The following KCNIP4 variants were observed in gnomAD, a reference collection of about 807,000 sequenced individuals.
KCNIP4 encodes the protein Kv channel-interacting protein 4.
KCNIP4 carries 12 observed loss-of-function variants against 34.0 expected under a neutral mutation model. That is an observed-to-expected ratio of 0.35 (90% CI 0.23 to 0.57). The LOEUF is 0.57. KCNIP4 is among the 20% of genes least tolerant of loss of function. The pLI is 0.83. For missense variants in KCNIP4, 238 were observed against 311.7 expected (o/e 0.76, Z 1.78); for synonymous variants, 124 against 102.2 (o/e 1.21, Z -1.29).
chr4:20,890,427 A>T (rs562781473), intron 1 of KCNIP4, among the ~76,000 whole-genome samples: 5 of 152,278 alleles, frequency 3.3e-5, no homozygotes, highest in African/African-American at 1.2e-4. Flanking sequence ...GGGCAAAAAT[A>T]TCTACATAAG....
At chr4:21,288,983 A>G (rs1005555713) in intron 1 of KCNIP4, among the ~76,000 whole-genome samples, 5 of 152,204 alleles carry the variant, frequency 3.3e-5, no homozygotes, top group African/African-American at 1.2e-4. Flanking sequence ...TTGTTAATAA[A>G]GGAAAACTAA....
intron 1 of KCNIP4, among the ~76,000 whole-genome samples, chr4:20,959,304 T>C (rs942389127): frequency 6.6e-6 from 1 of 152,166 alleles, no homozygotes; most frequent in Non-Finnish European, 1.5e-5. Flanking sequence ...GTTATTACAA[T>C]TGCTACCCTA....
chr4:21,757,885 A>C (rs547566048), intron 1 of KCNIP4, among the ~76,000 whole-genome samples: 1 of 152,278 alleles, frequency 6.6e-6, no homozygotes, highest in East Asian at 1.9e-4. Context: ...ATTGGGTGTA[A>C]GAGTATAGTC....
chr4:21,329,594 G>T (rs1715420026), intron 1 of KCNIP4, among the ~76,000 whole-genome samples: 1 of 152,156 alleles, frequency 6.6e-6, no homozygotes. Flanking sequence ...ACGGTATATG[G>T]TGCTATGGAA....
At chr4:21,613,057 C>T (rs934592423) in intron 1 of KCNIP4, among the ~76,000 whole-genome samples, 2 of 152,146 alleles carry the variant, frequency 1.3e-5, no homozygotes, top group Admixed American at 1.3e-4. Flanking sequence ...ATCTTGAGTA[C>T]TGTTGGATCA....
intron 1 of KCNIP4, among the ~76,000 whole-genome samples, chr4:20,945,117 T>G (rs1166440652): frequency 6.6e-6 from 1 of 152,166 alleles, no homozygotes; most frequent in East Asian, 1.9e-4. Context: ...GTGTGGTTGA[T>G]GAACCAGCAG....
chr4:20,781,738 G>A (rs950558902), intron 3 of KCNIP4, among the ~76,000 whole-genome samples: 2 of 152,090 alleles, frequency 1.3e-5, no homozygotes, highest in African/African-American at 4.8e-5. Context: ...TGAGATTTGG[G>A]TGGGGACACA....
intron 1 of KCNIP4, among the ~76,000 whole-genome samples, chr4:21,081,428 T>C (rs771034903): frequency 1.3e-5 from 2 of 151,918 alleles, no homozygotes; most frequent in East Asian, 3.9e-4. Context: ...TTATACTTCC[T>C]GGTATGACCC....
rs191760623 is a variant in KCNIP4, at chr4:21,438,987, C to A, written c.61+509584G>T. ...ACCATCCTGGCTAACATGGTGAAAC[C>A]CCTTCTCTACTAAAAATACGAAAAA... On this transcript the variant is annotated intron_variant, in intron 1 of 8. Coordinates refer to ENST00000382152, the MANE Select transcript of KCNIP4 (RefSeq NM_025221.6). 2.3e-3 allele frequency among the ~76,000 whole-genome samples: 356 copies of A among 152,100 alleles called. 2 individuals are homozygous for A. Among genetic ancestry groups the A allele is most frequent in the African/African-American group, 8.3e-3 (343 of 41,522 alleles).
chr4:20,872,334 T>C (rs1723563823), intron 2 of KCNIP4, among the ~76,000 whole-genome samples: 1 of 152,160 alleles, frequency 6.6e-6, no homozygotes, highest in African/African-American at 2.4e-5. Context: ...ACTTCCTCTT[T>C]TTAATGAAAC....
At chr4:21,142,614 G>C (rs1752056163) in intron 1 of KCNIP4, among the ~76,000 whole-genome samples, 1 of 152,124 alleles carries the variant, frequency 6.6e-6, no homozygotes, top group Admixed American at 6.5e-5. Context: ...TAACGGCAAA[G>C]ATCTGAGGTC....
At chr4:21,011,012 A>G (rs1245990783) in intron 1 of KCNIP4, among the ~76,000 whole-genome samples, 1 of 152,126 alleles carries the variant, frequency 6.6e-6, no homozygotes, top group African/African-American at 2.4e-5. Context: ...CATTTATTCT[A>G]CTCAATGCCT....
At chr4:21,063,285 C>T (rs1393222883) in intron 1 of KCNIP4, among the ~76,000 whole-genome samples, 1 of 152,052 alleles carries the variant, frequency 6.6e-6, no homozygotes, top group East Asian at 1.9e-4. Flanking sequence ...TTTGTTATGG[C>T]TAGCTTTAAC....
intron 1 of KCNIP4, among the ~76,000 whole-genome samples, chr4:21,145,173 C>T (rs17505904): frequency 0.082 from 12,469 of 152,216 alleles, 629 homozygotes; most frequent in East Asian, 0.19. Flanking sequence ...AAACTCCCTG[C>T]AACTCCACCT....
intron 1 of KCNIP4, among the ~76,000 whole-genome samples, chr4:21,207,042 T>C (rs1468088461): frequency 1.3e-5 from 2 of 152,216 alleles, no homozygotes; most frequent in Admixed American, 6.5e-5. Context: ...CCATCTCTAA[T>C]AGCATTTACT....
chr4:21,857,093 G>T (rs562894020), intron 1 of KCNIP4, among the ~76,000 whole-genome samples: 1 of 152,344 alleles, frequency 6.6e-6, no homozygotes, highest in South Asian at 2.1e-4. Context: ...AGTGGGGAAA[G>T]GCCTGAAGCC....
chr4:20,911,884 G>A (rs914393407), intron 1 of KCNIP4, among the ~76,000 whole-genome samples: 5 of 152,244 alleles, frequency 3.3e-5, no homozygotes, highest in Admixed American at 6.5e-5. Flanking sequence ...CATTATAGAG[G>A]AATTTTTGCC....
chr4:21,121,976 A>G (rs1295011660), intron 1 of KCNIP4, among the ~76,000 whole-genome samples: 1 of 152,212 alleles, frequency 6.6e-6, no homozygotes, highest in Non-Finnish European at 1.5e-5. Context: ...AGTATCAAAA[A>G]TGAGTCACTG....
In KCNIP4 at chr4:20,791,607, T is replaced by A. The variant is rs57366309; in HGVS notation, c.289-32717A>T. Among the ~76,000 whole-genome samples the A allele has an allele frequency of 6.9e-3, 1,053 of 152,274 alleles. 9 individuals are homozygous for A. Among genetic ancestry groups the A allele is most frequent in the African/African-American group, 0.024 (1,006 of 41,560 alleles). ...CATTTAATGACAGACTGTGAAAAGT[T>A]AAAGATGTTTGCTATAAACCCTAAA... On this transcript the variant is annotated intron_variant, in intron 3 of 8. Transcript: ENST00000382152.
Sources: allele counts gnomAD v4.1 joint callset (sites outside exome capture counted in the v4.1 genomes callset), GRCh38; gene constraint gnomAD v4.1.1; transcripts MANE v1.5; gene names NCBI Gene and HGNC (gene_info 2026-07-23, HGNC 2026-07-21).